The following GPR158 variants were observed in gnomAD, a reference collection of about 807,000 sequenced individuals.
GPR158 encodes the protein G protein-coupled receptor 158, also known as metabotropic glycine receptor.
GPR158 carries 30 observed loss-of-function variants against 78.2 expected under a neutral mutation model. The ratio of observed to expected loss-of-function variants is 0.38; its 90% CI spans 0.29 to 0.52. The LOEUF (loss-of-function observed/expected upper bound fraction) is 0.52, where lower values mean the gene tolerates loss of function less well. Ranked by LOEUF, GPR158 falls within the 20% of genes least tolerant of loss-of-function variation. The pLI is 0.83. For synonymous variants in GPR158, 581 were observed against 591.1 expected (o/e 0.98, Z 0.25); for missense variants, 1,463 against 1,523.5 (o/e 0.96, Z 0.66).
intron 2 of GPR158, among the ~76,000 whole-genome samples, chr10:25,393,307 A>G (rs1341124799): frequency 6.6e-6 from 1 of 152,178 alleles, no homozygotes; most frequent in Non-Finnish European, 1.5e-5. Context: ...TCTATGTTCT[A>G]ATGAATAGCA....
At chr10:25,271,358 T>C (rs1395523590) in intron 2 of GPR158, among the ~76,000 whole-genome samples, 1 of 152,230 alleles carries the variant, frequency 6.6e-6, no homozygotes, top group East Asian at 1.9e-4. Flanking sequence ...TTAAGCTACA[T>C]GTGTCTGTTC....
At chr10:25,492,087 G>A (rs540103471) in intron 5 of GPR158, among the ~76,000 whole-genome samples, 10 of 152,276 alleles carry the variant, frequency 6.6e-5, no homozygotes, top group East Asian at 3.9e-4. Flanking sequence ...GGTGGAAGGC[G>A]AAGGGGAGCC....
intron 2 of GPR158, among the ~76,000 whole-genome samples, chr10:25,315,505 G>T (rs528714547): frequency 1.3e-5 from 2 of 152,104 alleles, no homozygotes; most frequent in African/African-American, 4.8e-5. Flanking sequence ...TGATTATTTA[G>T]CATGTAGTTG....
chr10:25,511,088 T>A lies in GPR158; in HGVS notation c.1405-39888T>A, dbSNP rs529648788. Reference sequence around the variant, plus strand: ...GTAGTGGGATTGCTAGATCAAATGGTAGTTCTACTTTTGTTCTTTAAGGAC... The same window carrying A: ...GTAGTGGGATTGCTAGATCAAATGGAAGTTCTACTTTTGTTCTTTAAGGAC... On this transcript the variant is annotated intron_variant, in intron 5 of 10. Coordinates refer to ENST00000376351, the MANE Select transcript of GPR158 (RefSeq NM_020752.3). 2.0e-5 allele frequency among the ~76,000 whole-genome samples: 3 copies of A among 152,342 alleles called. No homozygotes were observed. The South Asian group carries it at 6.2e-4, about 32-fold the overall frequency.
chr10:25,598,546 G>A lies in GPR158; in HGVS notation c.2920G>A (p.Gly974Arg), dbSNP rs1458804736. 5.6e-6 allele frequency: 9 copies of A among 1,613,440 alleles called. No homozygotes were observed. The highest frequency in any genetic ancestry group is 1.6e-4 in the Middle Eastern group (1 of 6,084). ...AEEPRKPQKS[G>R]IMKQQRVNPT... The stretch of plus-strand genomic sequence containing the variant: ...GGAGCCAAGAAAGCCTCAGAAATCT[G>A]GGATTATGAAACAACAAAGGGTCAA... The change falls in exon 11 of 11, where the codon GGG becomes AGG. Residue 974 changes from glycine (G) to arginine (R), a missense_variant. Physicochemically the swap from Gly to Arg is moderately radical, Grantham distance 125 (BLOSUM62 -2). Coordinates refer to ENST00000376351, the MANE Select transcript of GPR158 (RefSeq NM_020752.3).
chr10:25,538,600 C>T (rs1365964368), intron 5 of GPR158, among the ~76,000 whole-genome samples: 1 of 152,138 alleles, frequency 6.6e-6, no homozygotes, highest in Non-Finnish European at 1.5e-5. Context: ...GTAAGTGATC[C>T]TTCTGCCTCA....
chr10:25,536,176 C>G (rs1347314875), intron 5 of GPR158, among the ~76,000 whole-genome samples: 1 of 151,926 alleles, frequency 6.6e-6, no homozygotes, highest in Non-Finnish European at 1.5e-5. Context: ...TATTATTTTA[C>G]AAATAAAAGT....
intron 2 of GPR158, among the ~76,000 whole-genome samples, chr10:25,321,383 T>C (rs1854946377): frequency 6.6e-6 from 1 of 152,208 alleles, no homozygotes; most frequent in Admixed American, 6.5e-5. Flanking sequence ...CAAATTAATG[T>C]CTCTTTGAGT....
chr10:25,583,917 T>C (rs1159734425), intron 7 of GPR158, among the ~76,000 whole-genome samples: 1 of 152,148 alleles, frequency 6.6e-6, no homozygotes, highest in African/African-American at 2.4e-5. Context: ...TCTCTCAGCT[T>C]TTGTGGGTAG....
chr10:25,266,646 C>A (rs1463175379), intron 2 of GPR158, among the ~76,000 whole-genome samples: 1 of 151,330 alleles, frequency 6.6e-6, no homozygotes, highest in South Asian at 2.1e-4. Flanking sequence ...TTTTTTTGTG[C>A]TGTAGAAGTA....
intron 5 of GPR158, among the ~76,000 whole-genome samples, chr10:25,498,789 C>T (rs1245162016): frequency 1.3e-5 from 2 of 152,072 alleles, no homozygotes; most frequent in Admixed American, 6.6e-5. Flanking sequence ...TAGGGTTGCT[C>T]GCATTAGAAC....
At chr10:25,465,003 A>G (rs966944159) in intron 4 of GPR158, among the ~76,000 whole-genome samples, 1 of 152,296 alleles carries the variant, frequency 6.6e-6, no homozygotes, top group African/African-American at 2.4e-5. Context: ...TTGTTTCTCT[A>G]TTCCCAAATT....
At chr10:25,314,867 A>G (rs1052693241) in intron 2 of GPR158, among the ~76,000 whole-genome samples, 1 of 122,302 alleles carries the variant, frequency 8.2e-6, no homozygotes, top group Non-Finnish European at 1.7e-5. Flanking sequence ...ACTGTCATAT[A>G]TATATATATA....
At chr10:25,192,663 T>C (rs1852787929) in intron 1 of GPR158, among the ~76,000 whole-genome samples, 1 of 152,140 alleles carries the variant, frequency 6.6e-6, no homozygotes, top group African/African-American at 2.4e-5. Flanking sequence ...TACTAAACTT[T>C]TTTTAAAAGT....
chr10:25,569,452 ATATT>A (rs1167955675), intron 6 of GPR158, among the ~76,000 whole-genome samples: 4 of 152,324 alleles, frequency 2.6e-5, no homozygotes, highest in African/African-American at 4.8e-5. Context: ...ATCAAAAAAA[ATATT>A]TATCACATTT....
chr10:25,506,290 A>G (rs1446392779), intron 5 of GPR158, among the ~76,000 whole-genome samples: 2 of 152,236 alleles, frequency 1.3e-5, no homozygotes, highest in Non-Finnish European at 2.9e-5. Context: ...TCAAAGGATG[A>G]CATTCTGTTA....
At chr10:25,587,987 A>G (rs1193092134) in intron 7 of GPR158, among the ~76,000 whole-genome samples, 1 of 152,184 alleles carries the variant, frequency 6.6e-6, no homozygotes, top group Non-Finnish European at 1.5e-5. Flanking sequence ...CTTATTAGAC[A>G]CTATCTTCCA....
rs1013382605 is a variant in GPR158, at chr10:25,175,137, A to T, written c.-284A>T. On this transcript the variant is annotated 5_prime_UTR_variant, in exon 1 of 11. The change abolishes an upstream ATG in the 5' untranslated region. Coordinates refer to ENST00000376351, the MANE Select transcript of GPR158 (RefSeq NM_020752.3). This position sits in a 1 kb window ranked among gnomAD's most constrained non-coding sequence, Gnocchi z 6.4. ...CTCCAGCCGCTGGGAGCGCGAGGCCATGTAACCCGCTCGGCTCCAGGCTGC... is the reference window on the plus strand; with the variant it reads ...CTCCAGCCGCTGGGAGCGCGAGGCCTTGTAACCCGCTCGGCTCCAGGCTGC... 1 of 335,728 alleles carries T rather than the reference A, an allele frequency of 3.0e-6. No homozygotes were observed. The allele number at this position is 335,728 out of a possible 1,614,324, so 20.8% of individuals were successfully genotyped here.
intron 4 of GPR158, among the ~76,000 whole-genome samples, chr10:25,462,627 A>T (rs890613705): frequency 1.3e-5 from 2 of 152,240 alleles, no homozygotes; most frequent in Non-Finnish European, 2.9e-5. Context: ...ATCAACATTA[A>T]CAAGAGTTTG....
Sources: gnomAD v4.1 joint callset for allele counts (sites outside exome capture counted in the v4.1 genomes callset) on GRCh38, gnomAD v4.1.1 for gene constraint, Gnocchi (gnomAD v3.1) non-coding constraint, MANE v1.5 for transcripts, NCBI Gene and HGNC (gene_info 2026-07-23, HGNC 2026-07-21) for gene names.